Variants in EPB41L4B observed in about 807,000 individuals in gnomAD.
EPB41L4B encodes the protein band 4.1-like protein 4B.
Under a neutral mutation model 112.5 loss-of-function variants are expected in EPB41L4B, and 30 were observed. That is an observed-to-expected ratio of 0.27 (90% CI 0.20 to 0.36). EPB41L4B has a LOEUF of 0.36. Among genes scored for constraint, EPB41L4B ranks in the 10% least tolerant of loss-of-function variants. The pLI is 1.00. For synonymous variants in EPB41L4B, 408 were observed against 439.7 expected (o/e 0.93, Z 0.90); for missense variants, 1,024 against 1,133.3 (o/e 0.90, Z 1.38).
At chr9:109,196,306 G>A (rs1177610015) in intron 20 of EPB41L4B, 1 of 152,044 alleles carries the variant, frequency 6.6e-6, no homozygotes, top group Non-Finnish European at 1.5e-5. Flanking sequence ...GCCAAAGTGA[G>A]CACTATTGAA....
chr9:109,212,444 G>C (rs921298071), intron 17 of EPB41L4B, among the ~76,000 whole-genome samples: 3 of 152,138 alleles, frequency 2.0e-5, no homozygotes, highest in African/African-American at 2.4e-5. Context: ...ATTCTCTCTA[G>C]CTGGCAATCA....
At chr9:109,178,085 T>G (rs1290114965) in intron 24 of EPB41L4B, among the ~76,000 whole-genome samples, 2 of 151,806 alleles carry the variant, frequency 1.3e-5, no homozygotes, top group Non-Finnish European at 2.9e-5. Flanking sequence ...CCTGGATAAT[T>G]TTTTTAATCT....
chr9:109,240,325 G>A lies in EPB41L4B; in HGVS notation c.1409+3293C>T, dbSNP rs888444768. The A allele has an allele frequency of 3.0e-6, 3 of 985,274 alleles. No individual in the cohort carries two copies. The African/African-American group carries it at 5.2e-5, about 17-fold the overall frequency. 61.0% of individuals were successfully genotyped at this position (985,274 alleles called of 1,614,324 possible). ...ACAAATGCCTTAGGGAGAGTTTATAGGTAGTCAGCTCCACTGTGCAAGGTA... is the reference window on the plus strand; with the variant it reads ...ACAAATGCCTTAGGGAGAGTTTATAAGTAGTCAGCTCCACTGTGCAAGGTA... On this transcript the variant is annotated intron_variant, in intron 15 of 25. Transcript: ENST00000374566.
At chr9:109,257,293 G>C (rs533521253) in intron 7 of EPB41L4B, among the ~76,000 whole-genome samples, 1 of 152,270 alleles carries the variant, frequency 6.6e-6, no homozygotes, top group South Asian at 2.1e-4. Context: ...AGATGGGATG[G>C]GAGGGAGGAA....
intron 1 of EPB41L4B, 54 bp from the exon 2 acceptor site, chr9:109,279,975 A>T: frequency 7.1e-7 from 1 of 1,403,104 alleles, no homozygotes; most frequent in Non-Finnish European, 9.8e-7. Context: ...CTAGATAAGA[A>T]AAAAAAGGTT....
At chr9:109,313,275 A>C (rs1163430212) in intron 1 of EPB41L4B, among the ~76,000 whole-genome samples, 1 of 152,248 alleles carries the variant, frequency 6.6e-6, no homozygotes, top group African/African-American at 2.4e-5. Flanking sequence ...GCCTTTGCTG[A>C]CTGAAGAAAA....
intron 2 of EPB41L4B, among the ~76,000 whole-genome samples, chr9:109,277,676 G>C (rs1243882071): frequency 6.6e-6 from 1 of 152,168 alleles, no homozygotes; most frequent in Non-Finnish European, 1.5e-5. Context: ...GAGGCCAGGG[G>C]ACAGTCACGG....
chr9:109,208,159 C>G lies in EPB41L4B; in HGVS notation c.1753-110G>C, dbSNP rs185349896. 3 of 1,293,504 alleles carry G rather than the reference C, an allele frequency of 2.3e-6. No individual in the cohort carries two copies. The East Asian group carries it at 7.2e-5, about 31-fold the overall frequency. The allele number at this position is 1,293,504 out of a possible 1,614,324, so 80.1% of individuals were successfully genotyped here. ...TATAACACAGACCTACATACATAGA[C>G]AGGGGTGTCACCAACTCCTTATATT... On this transcript the variant is annotated intron_variant, in intron 17 of 25. Coordinates refer to ENST00000374566, the MANE Select transcript of EPB41L4B (RefSeq NM_019114.5).
chr9:109,243,065 G>A (rs1457042152), intron 15 of EPB41L4B, among the ~76,000 whole-genome samples: 1 of 151,604 alleles, frequency 6.6e-6, no homozygotes. Context: ...AAAGTACAAT[G>A]GCAGAGTTAA....
Position 109,317,112 on chromosome 9 carries a change from A to G in EPB41L4B, c.306+3029T>C, listed in dbSNP as rs77244220. On this transcript the variant is annotated intron_variant, in intron 1 of 25. Transcript: ENST00000374566. ...AGATGAGACCCCATATCCAAAAAAC[A>G]AAACAAAAAAAAGAACACTCAGGGA... 5.8e-3 allele frequency among the ~76,000 whole-genome samples: 878 copies of G among 152,240 alleles called. 7 individuals are homozygous for G. Among genetic ancestry groups the G allele is most frequent in the East Asian group, 0.023 (118 of 5,174 alleles).
At chr9:109,251,071 T>C (rs1349742338) in intron 13 of EPB41L4B, among the ~76,000 whole-genome samples, 1 of 152,248 alleles carries the variant, frequency 6.6e-6, no homozygotes, top group Admixed American at 6.5e-5. Context: ...AGGTGTTTAA[T>C]GTCTTCTATG....
intron 15 of EPB41L4B, among the ~76,000 whole-genome samples, chr9:109,229,120 G>A (rs1271328634): frequency 1.3e-5 from 2 of 152,122 alleles, no homozygotes; most frequent in African/African-American, 4.8e-5. Flanking sequence ...AAGAATATGT[G>A]GAGAATTAAG....
chr9:109,263,038 A>G lies in EPB41L4B; in HGVS notation c.631+12T>C, dbSNP rs767520068. 1 of 1,570,356 alleles carries G rather than the reference A, an allele frequency of 6.4e-7. No homozygotes were observed. The highest frequency in any genetic ancestry group is 1.1e-5 in the South Asian group (1 of 87,248). ...ACATTAAAATGCTAATTACTACTAA[A>G]GATTAATGTACCTTGTAGACAGAGA... On this transcript the variant is annotated intron_variant, in intron 6 of 25. Coordinates refer to ENST00000374566, the MANE Select transcript of EPB41L4B (RefSeq NM_019114.5).
At chr9:109,217,540 C>A (rs1314292009) in intron 15 of EPB41L4B, among the ~76,000 whole-genome samples, 1 of 152,186 alleles carries the variant, frequency 6.6e-6, no homozygotes, top group East Asian at 1.9e-4. Flanking sequence ...CTGTCACCCA[C>A]AACATGCAGA....
chr9:109,198,567 A>G (rs957411280), intron 20 of EPB41L4B, among the ~76,000 whole-genome samples: 2 of 152,152 alleles, frequency 1.3e-5, no homozygotes, highest in East Asian at 1.9e-4. Flanking sequence ...TCTCTGACCA[A>G]TGACACATCT....
intron 19 of EPB41L4B, 126 bp from the exon 20 acceptor site, chr9:109,200,460 T>C: frequency 1.6e-6 from 1 of 618,346 alleles, no homozygotes; most frequent in Non-Finnish European, 2.8e-6. Flanking sequence ...AATCCATTTT[T>C]TTTGCCTTTC....
At chr9:109,234,524 G>A (rs1834070587) in intron 15 of EPB41L4B, among the ~76,000 whole-genome samples, 1 of 152,154 alleles carries the variant, frequency 6.6e-6, no homozygotes, top group South Asian at 2.1e-4. Context: ...AGTAACTTTT[G>A]GCTATTTGTA....
At chr9:109,256,268 TCG>T in intron 8 of EPB41L4B, 44 bp from the exon 9 acceptor site, 1 of 1,595,314 alleles carries the variant, frequency 6.3e-7, no homozygotes, top group South Asian at 1.1e-5. Flanking sequence ...TTCTAACAGG[TCG>T]TCACACAGCA....
intron 15 of EPB41L4B, among the ~76,000 whole-genome samples, chr9:109,218,339 T>C (rs1319286229): frequency 6.6e-6 from 1 of 152,016 alleles, no homozygotes; most frequent in African/African-American, 2.4e-5. Context: ...TTGGCCAAGC[T>C]GGTTTCAAAC....
Sources: allele counts gnomAD v4.1 joint callset (sites outside exome capture counted in the v4.1 genomes callset), GRCh38; gene constraint gnomAD v4.1.1; transcripts MANE v1.5; gene names NCBI Gene and HGNC (gene_info 2026-07-23, HGNC 2026-07-21).